LRP8: variants seen among roughly 807,000 people sequenced by gnomAD.
LRP8 encodes the protein low-density lipoprotein receptor-related protein 8.
LRP8 carries 46 observed loss-of-function variants against 111.6 expected under a neutral mutation model. That is an observed-to-expected ratio of 0.41 (90% CI 0.33 to 0.53). The LOEUF is 0.53. LRP8 is among the 20% of genes least tolerant of loss of function. The probability of loss-of-function intolerance (pLI) is 0.20; values close to 1 mark genes in which losing one functional copy is unlikely to be tolerated. For missense variants in LRP8, 959 were observed against 1,297.4 expected, an observed-to-expected ratio of 0.74 and a Z score of 4.01; for synonymous variants, 464 against 511.2, an observed-to-expected ratio of 0.91 and a Z score of 1.24.
intron 2 of LRP8, among the ~76,000 whole-genome samples, chr1:53,312,422 C>T (rs561764777): frequency 2.0e-5 from 3 of 152,190 alleles, no homozygotes; most frequent in African/African-American, 4.8e-5. Flanking sequence ...CAGAGTGCAG[C>T]GGCATGACTA....
At chr1:53,325,656 A>T (rs1419940031) in intron 2 of LRP8, among the ~76,000 whole-genome samples, 1 of 152,254 alleles carries the variant, frequency 6.6e-6, no homozygotes, top group Admixed American at 6.5e-5. Flanking sequence ...GGTGACTGGC[A>T]AACAGTCAAA....
chr1:53,284,304 A>G (rs1211708772), intron 3 of LRP8, among the ~76,000 whole-genome samples: 1 of 151,708 alleles, frequency 6.6e-6, no homozygotes, highest in African/African-American at 2.4e-5. Context: ...CTTACTTACT[A>G]CATACCTGGG....
chr1:53,279,824 CTG>C lies in LRP8; in HGVS notation c.496+761_496+762del, dbSNP rs548820104. 2.1e-3 allele frequency among the ~76,000 whole-genome samples: 320 copies of C among 152,344 alleles called. 2 individuals are homozygous for C. Among genetic ancestry groups the C allele is most frequent in the African/African-American group, 7.4e-3 (307 of 41,572 alleles). On this transcript the variant is annotated intron_variant, in intron 4 of 18. Coordinates refer to ENST00000306052, the MANE Select transcript of LRP8 (RefSeq NM_004631.5). This position sits in a 1 kb window ranked among gnomAD's most constrained non-coding sequence, Gnocchi z 4.4. Reference sequence around the variant, plus strand: ...TAATCATGTGTTCCCAGAGGGAAGACTGTGTAGGATTCACCTCACTGTCCCTT... The same window carrying C: ...TAATCATGTGTTCCCAGAGGGAAGACTGTAGGATTCACCTCACTGTCCCTT...
rs772651835 is a variant in LRP8 at position 53,275,685 on chromosome 1, A to G, written c.952T>C (p.Cys318Arg). The G allele has an allele frequency of 6.2e-7, 1 of 1,614,124 alleles. No individual in the cohort carries two copies. The highest frequency in any genetic ancestry group is 1.1e-5 in the South Asian group (1 of 91,080). The change falls in exon 6 of 19, where the codon TGC becomes CGC. Residue 318 changes from cysteine (C) to arginine (R), a missense_variant. Transcript: ENST00000306052. This position sits in a 1 kb window ranked among gnomAD's most constrained non-coding sequence, Gnocchi z 4.4. ...DGTCVLAIKH[C>R]NQEQDCPDGS... ...TCTGGACAGTCCTGCTCCTGGTTGCAGTGCTTGATTGCAAGGACACATGTC... is the reference window on the plus strand; with the variant it reads ...TCTGGACAGTCCTGCTCCTGGTTGCGGTGCTTGATTGCAAGGACACATGTC...
chr1:53,263,758 G>T (rs1646437939), intron 10 of LRP8, among the ~76,000 whole-genome samples: 1 of 152,144 alleles, frequency 6.6e-6, no homozygotes, highest in South Asian at 2.1e-4. Flanking sequence ...ATTATGAGGG[G>T]AAAAGACCCA....
At chr1:53,297,890 A>G (rs1292522486) in intron 2 of LRP8, among the ~76,000 whole-genome samples, 2 of 152,192 alleles carry the variant, frequency 1.3e-5, no homozygotes, top group Non-Finnish European at 2.9e-5. Flanking sequence ...CATGAAAATG[A>G]GGTTGCAAAG....
intron 2 of LRP8, among the ~76,000 whole-genome samples, chr1:53,296,332 G>T (rs1239906713): frequency 3.3e-5 from 5 of 152,228 alleles, no homozygotes; most frequent in Non-Finnish European, 7.3e-5. Flanking sequence ...CAGTTGAGAG[G>T]CTGAGAGCAA....
chr1:53,248,600 TG>T (rs1288585661), intron 18 of LRP8, among the ~76,000 whole-genome samples: 1 of 152,212 alleles, frequency 6.6e-6, no homozygotes, highest in Non-Finnish European at 1.5e-5. Flanking sequence ...ATCTGCAAAA[TG>T]GGGCGAATAA....
intron 2 of LRP8, among the ~76,000 whole-genome samples, chr1:53,322,848 T>C (rs1053553105): frequency 6.6e-6 from 1 of 152,140 alleles, no homozygotes; most frequent in African/African-American, 2.4e-5. Flanking sequence ...TATGAGGCTG[T>C]TTCCCAGCAA....
chr1:53,286,752 G>A (rs987038284), intron 3 of LRP8, among the ~76,000 whole-genome samples: 3 of 152,230 alleles, frequency 2.0e-5, no homozygotes, highest in Non-Finnish European at 4.4e-5. Flanking sequence ...TCCCTTTCCC[G>A]CTCAATGCAA....
chr1:53,315,366 A>G (rs1653659281), intron 2 of LRP8, among the ~76,000 whole-genome samples: 2 of 152,222 alleles, frequency 1.3e-5, no homozygotes, highest in South Asian at 4.1e-4. Flanking sequence ...GGAGGTCAAA[A>G]GAAGCCCAGG....
At chr1:53,327,452 G>A (rs993861275) in intron 1 of LRP8, 1 of 260,968 alleles carries the variant, frequency 3.8e-6, no homozygotes, top group Non-Finnish European at 7.2e-6. Context: ...CATTACCGCC[G>A]CGGAGCGCGC....
At chr1:53,313,183 G>A (rs1473948988) in intron 2 of LRP8, among the ~76,000 whole-genome samples, 1 of 152,198 alleles carries the variant, frequency 6.6e-6, no homozygotes, top group African/African-American at 2.4e-5. Context: ...TTAGGGGCTG[G>A]TGCCCCCAGG....
At chr1:53,259,319 C>T (rs1646235767) in intron 13 of LRP8, among the ~76,000 whole-genome samples, 1 of 152,124 alleles carries the variant, frequency 6.6e-6, no homozygotes, top group African/African-American at 2.4e-5. Context: ...GCCTTCTTGC[C>T]CAGGCTGGTC....
chr1:53,264,268 T>G lies in LRP8; in HGVS notation c.1556A>C (p.Lys519Thr). The G allele has an allele frequency of 6.2e-7, 1 of 1,614,208 alleles. No homozygotes were observed. Among genetic ancestry groups the G allele is most frequent in the African/African-American group, 1.3e-5 (1 of 75,060 alleles). The change falls in exon 10 of 19, where the codon AAG (lysine) becomes ACG (threonine). Residue 519 changes from lysine (K) to threonine (T), a missense_variant. Physicochemically the swap from Lys to Thr is moderately conservative, Grantham distance 78. Transcript: ENST00000306052. Reference protein sequence around the residue: ...KHIYWTDSGNKTISVATVDGG... With the variant: ...KHIYWTDSGNTTISVATVDGG... ...ATCAACTGTGGCCACTGAGATGGTC[T>G]TATTGCCCGAGTCAGTCCAGTAGAT...
rs776689982 is a variant in LRP8 at position 53,266,580 on chromosome 1, C to A, written c.1320G>T (p.Arg440=). The A allele has an allele frequency of 6.2e-7, 1 of 1,614,148 alleles. No individual in the cohort carries two copies. Among genetic ancestry groups the A allele is most frequent in the Non-Finnish European group, 8.5e-7 (1 of 1,180,036 alleles). Residue 440 remains arginine (R), a synonymous_variant, in exon 9 of 19, where the codon CGG becomes CGT. Coordinates refer to ENST00000306052, the MANE Select transcript of LRP8 (RefSeq NM_004631.5). This position sits in a 1 kb window ranked among gnomAD's most constrained non-coding sequence, Gnocchi z 5.0. ...HEVRRIDLVK[R]NYSRLIPMLK... is the part of the protein sequence containing the mutation. Reference sequence around the variant, plus strand: ...GCATGGGGATGAGGCGTGAATAGTTCCGCTTCACCAGGTCGATCCTCCGCA... The same window carrying A: ...GCATGGGGATGAGGCGTGAATAGTTACGCTTCACCAGGTCGATCCTCCGCA...
Position 53,255,192 on chromosome 1 carries a change from A to C in LRP8, c.2435-7T>G. The C allele has an allele frequency of 6.2e-7, 1 of 1,613,086 alleles. No homozygotes were observed. The highest frequency in any genetic ancestry group is 8.5e-7 in the Non-Finnish European group (1 of 1,179,866). On this transcript the variant is annotated splice_region_variant and splice_polypyrimidine_tract_variant and intron_variant, in intron 15 of 18. Coordinates refer to ENST00000306052, the MANE Select transcript of LRP8 (RefSeq NM_004631.5). ...TTACTGTCTTCATTTGCATCTGCAA[A>C]ACACAAACATTTGCAGAATGATGCT...
At chr1:53,309,684 C>T (rs1352082276) in intron 2 of LRP8, among the ~76,000 whole-genome samples, 1 of 152,134 alleles carries the variant, frequency 6.6e-6, no homozygotes, top group African/African-American at 2.4e-5. Flanking sequence ...TAAGGCATTA[C>T]TAAGCTGCCC....
chr1:53,300,247 C>T (rs982057960), intron 2 of LRP8, among the ~76,000 whole-genome samples: 6 of 152,228 alleles, frequency 3.9e-5, no homozygotes, highest in Admixed American at 6.5e-5. Context: ...CTTTTGCTCA[C>T]GCAGCTCCCC....
Sources: allele counts gnomAD v4.1 joint callset (sites outside exome capture counted in the v4.1 genomes callset), GRCh38; gene constraint gnomAD v4.1.1; non-coding constraint Gnocchi (gnomAD v3.1); transcripts MANE v1.5; gene names NCBI Gene and HGNC (gene_info 2026-07-23, HGNC 2026-07-21).